The following ACAD10 variants were observed in gnomAD, a reference collection of about 807,000 sequenced individuals.
ACAD10 encodes the protein acyl-CoA dehydrogenase family member 10, also known as ACAD-10.
ACAD10 carries 112 observed loss-of-function variants against 116.8 expected under a neutral mutation model. The ratio of observed to expected loss-of-function variants is 0.96; its 90% CI spans 0.82 to 1.12. The LOEUF is 1.12. Ranked by LOEUF, ACAD10 falls within the 50% of genes most tolerant of loss-of-function variation. ACAD10 has a pLI of 0.00. For synonymous variants in ACAD10, 486 were observed against 510.6 expected, an observed-to-expected ratio of 0.95 and a Z score of 0.65; for missense variants, 1,259 against 1,350.2, an observed-to-expected ratio of 0.93 and a Z score of 1.06.
At chr12:111,686,351 A>C (rs1044503998) in intron 1 of ACAD10, 112 bp downstream of exon 1, 3 of 152,436 alleles carry the variant, frequency 2.0e-5, no homozygotes, top group Non-Finnish European at 4.4e-5. Context: ...CACTTTACAG[A>C]TAGGTACAAC....
At chr12:111,736,208 A>C (rs1223252536) in intron 11 of ACAD10, among the ~76,000 whole-genome samples, 2 of 106,756 alleles carry the variant, frequency 1.9e-5, no homozygotes, top group African/African-American at 7.5e-5. Context: ...TTTTTTTGAG[A>C]TGGAGTCTTG....
At chr12:111,751,845 G>A (rs755235115) in intron 18 of ACAD10, among the ~76,000 whole-genome samples, 1 of 152,044 alleles carries the variant, frequency 6.6e-6, no homozygotes, top group Non-Finnish European at 1.5e-5. Flanking sequence ...GATCACCTGA[G>A]GTCGGGAGTT....
chr12:111,703,189 CAGATGA>C lies in ACAD10; in HGVS notation c.336+880_336+885del, dbSNP rs1457615370. Among the ~76,000 whole-genome samples, 17 of 151,914 alleles carry C rather than the reference CAGATGA, an allele frequency of 1.1e-4. No homozygotes were observed. The South Asian group carries it at 3.3e-3, about 30-fold the overall frequency. On this transcript the variant is annotated intron_variant, in intron 3 of 20. Coordinates refer to ENST00000313698, the MANE Select transcript of ACAD10 (RefSeq NM_025247.6). Reference sequence around the variant, plus strand: ...GTTATGAAGGATACGAATGAACAGCCAGATGACAAGATACCTGGGGGCAAAGGTTTT... The same window carrying C: ...GTTATGAAGGATACGAATGAACAGCCCAAGATACCTGGGGGCAAAGGTTTT...
At position 111,746,177 on chromosome 12, in the gene ACAD10, T is replaced by C. The variant is rs1243054791; in HGVS notation, c.2149T>C (p.Phe717Leu). 2 of 1,614,026 alleles carry C rather than the reference T, an allele frequency of 1.2e-6. No individual in the cohort carries two copies. The highest frequency in any genetic ancestry group is 1.6e-4 in the Middle Eastern group (1 of 6,062). ...CAAAGCTGAAGGACTTTGGAACCTTTTCCTACCCTTAGAGGCTGATCCCGA... is the reference window on the plus strand; with the variant it reads ...CAAAGCTGAAGGACTTTGGAACCTTCTCCTACCCTTAGAGGCTGATCCCGA... ...KAKAEGLWNL[F>L]LPLEADPEKK... Residue 717 changes from phenylalanine to leucine, a missense_variant, in exon 14 of 21, where the codon TTC becomes CTC. By Grantham distance (22) the Phe-to-Leu change is conservative. Transcript: ENST00000313698.
At chr12:111,753,234 T>C (rs1208816186) in intron 18 of ACAD10, 1 of 279,900 alleles carries the variant, frequency 3.6e-6, no homozygotes, top group Non-Finnish European at 7.1e-6. Flanking sequence ...CCTTGTGACT[T>C]TCAGAATTTA....
At chr12:111,709,245 T>C (rs1268081409) in intron 4 of ACAD10, among the ~76,000 whole-genome samples, 1 of 152,160 alleles carries the variant, frequency 6.6e-6, no homozygotes, top group Non-Finnish European at 1.5e-5. Flanking sequence ...TTATTGATGA[T>C]GGCACTGAGG....
chr12:111,709,045 CA>C (rs201551045), intron 4 of ACAD10, among the ~76,000 whole-genome samples: 2,914 of 125,840 alleles, frequency 0.023, 30 homozygotes, highest in African/African-American at 0.044. Flanking sequence ...CTTCTTTCTG[CA>C]AAAAAAAAAA....
chr12:111,716,037 T>C (rs1888838025), intron 7 of ACAD10, 75 bp downstream of exon 7: 1 of 1,573,976 alleles, frequency 6.4e-7, no homozygotes, highest in East Asian at 2.2e-5. Context: ...AACTGAAAAG[T>C]CAGCACTCCA....
chr12:111,738,121 T>A (rs1242533156), intron 12 of ACAD10, among the ~76,000 whole-genome samples: 1 of 152,096 alleles, frequency 6.6e-6, no homozygotes, highest in East Asian at 1.9e-4. Flanking sequence ...CCTCCCAAAG[T>A]GCTGGGATTA....
At position 111,727,934 on chromosome 12, in the gene ACAD10, C is replaced by G. The variant is rs369517778; in HGVS notation, c.1062-28C>G. On this transcript the variant is annotated intron_variant, in intron 8 of 20. Coordinates refer to ENST00000313698, the MANE Select transcript of ACAD10 (RefSeq NM_025247.6). Reference sequence around the variant, plus strand: ...AGCCTGCCACATTATGACTCTGATCCCTGAAACCCCTTCTGTGTTCCTCCC... The same window carrying G: ...AGCCTGCCACATTATGACTCTGATCGCTGAAACCCCTTCTGTGTTCCTCCC... 1.9e-6 allele frequency: 3 copies of G among 1,585,120 alleles called. No individual in the cohort carries two copies. In the African/African-American group the frequency reaches 4.0e-5, roughly 21 times the overall value.
At chr12:111,703,906 TA>T (rs1386616655) in intron 3 of ACAD10, among the ~76,000 whole-genome samples, 18 of 107,420 alleles carry the variant, frequency 1.7e-4, no homozygotes, top group African/African-American at 7.2e-4. Context: ...TTCCACAATT[TA>T]TATATATATA....
At chr12:111,756,211 G>A in intron 20 of ACAD10, 122 bp from the exon 21 acceptor site, 3 of 1,446,704 alleles carry the variant, frequency 2.1e-6, no homozygotes, top group Non-Finnish European at 2.7e-6. Context: ...GTATCACATA[G>A]GTGCCACAGG....
rs146873324 is a variant in ACAD10 at position 111,692,741 on chromosome 12, G to A, written c.32G>A (p.Arg11His). The change falls in exon 2 of 21, where the codon CGT becomes CAT. Residue 11 changes from arginine to histidine, a missense_variant. Transcript: ENST00000313698. MCVRSCFQSP[R>H]LQWVWRTAFL... ...GTCAGGAGCTGTTTCCAGTCCCCCCGTCTCCAGTGGGTGTGGAGAACAGCC... is the reference window on the plus strand; with the variant it reads ...GTCAGGAGCTGTTTCCAGTCCCCCCATCTCCAGTGGGTGTGGAGAACAGCC... 204 of 1,614,118 alleles carry A rather than the reference G, an allele frequency of 1.3e-4. No individual in the cohort carries two copies. The East Asian group carries it at 2.0e-3, about 16-fold the overall frequency.
chr12:111,700,323 A>T (rs1370889651), intron 2 of ACAD10, among the ~76,000 whole-genome samples: 1 of 152,272 alleles, frequency 6.6e-6, no homozygotes, highest in Non-Finnish European at 1.5e-5. Flanking sequence ...ACACCTTATT[A>T]GTATACATTT....
chr12:111,746,233 G>A lies in ACAD10; in HGVS notation c.2205G>A (p.Val735=). The A allele has an allele frequency of 1.2e-6, 2 of 1,613,914 alleles. No homozygotes were observed. Among genetic ancestry groups the A allele is most frequent in the Non-Finnish European group, 1.7e-6 (2 of 1,179,964 alleles). The change falls in exon 14 of 21, where the codon GTG becomes GTA. Residue 735 remains valine (V), a synonymous_variant. Transcript: ENST00000313698. ...AATACGGAGCAGGACTGACCAATGT[G>A]GAATATGCACATCTGTGTGAGCTCA... ...EKKYGAGLTN[V]EYAHLCELMG...
chr12:111,735,930 A>C (rs1431916754), intron 11 of ACAD10, among the ~76,000 whole-genome samples: 2 of 151,892 alleles, frequency 1.3e-5, no homozygotes, highest in African/African-American at 4.8e-5. Flanking sequence ...CCCAGGCTGG[A>C]CCACAGTGGC....
Position 111,696,013 on chromosome 12 carries a change from CAA to C in ACAD10, c.187+3129_187+3130del, listed in dbSNP as rs34294669. Among the ~76,000 whole-genome samples, 567 of 127,164 alleles carry C rather than the reference CAA, an allele frequency of 4.5e-3. 5 individuals carry two copies. The highest frequency in any genetic ancestry group is 0.014 in the African/African-American group (525 of 36,876). 83.4% of individuals were successfully genotyped at this position (127,164 alleles called of 152,430 possible). A position where few individuals can be genotyped will look rare whatever the true frequency, so the allele number is the denominator to read the frequency against. On this transcript the variant is annotated intron_variant, in intron 2 of 20. Transcript: ENST00000313698. ...TGGGAGACAGAGCAAGACTCTGTCT[CAA>C]AAAAAAAAAAAGTATATATATATAT...
chr12:111,750,817 C>T (rs1369845747), intron 18 of ACAD10, among the ~76,000 whole-genome samples: 4 of 152,172 alleles, frequency 2.6e-5, no homozygotes, highest in Admixed American at 2.6e-4. Flanking sequence ...AAAGGTGACG[C>T]AAACCCTGAG....
At chr12:111,752,278 TTTGTTGTTGTTG>T (rs140625855) in intron 18 of ACAD10, among the ~76,000 whole-genome samples, 1 of 151,466 alleles carries the variant, frequency 6.6e-6, no homozygotes, top group East Asian at 1.9e-4. Context: ...AAAATAATGT[TTTGTTGTTGTTG>T]TTGTTGTTGT....
Sources: allele counts gnomAD v4.1 joint callset (sites outside exome capture counted in the v4.1 genomes callset), GRCh38; gene constraint gnomAD v4.1.1; transcripts MANE v1.5; gene names NCBI Gene and HGNC (gene_info 2026-07-23, HGNC 2026-07-21).